Variants in CREBBP observed in about 807,000 individuals in gnomAD.
CREBBP encodes the protein CREB binding lysine acetyltransferase, also known as CREB-binding protein.
A neutral mutation model predicts 265.0 loss-of-function variants in CREBBP; 19 were observed. The ratio of observed to expected loss-of-function variants is 0.07; its 90% CI spans 0.05 to 0.11. The LOEUF (loss-of-function observed/expected upper bound fraction) is 0.11, where lower values mean the gene tolerates loss of function less well. Ranked by LOEUF, CREBBP falls within the 10% of genes least tolerant of loss-of-function variation. The pLI is 1.00. For synonymous variants in CREBBP, 1,457 were observed against 1,223.7 expected (o/e 1.19, Z -3.98); for missense variants, 2,525 against 3,219.0 (o/e 0.78, Z 5.22).
intron 23 of CREBBP, chr16:3,743,866 C>G (rs2151351110): frequency 6.6e-6 from 1 of 152,178 alleles, no homozygotes; most frequent in East Asian, 1.9e-4. Context: ...ATCACAAGGT[C>G]AAGAGATTGA....
intron 21 of CREBBP, among the ~76,000 whole-genome samples, chr16:3,747,734 G>T (rs1328953296): frequency 1.3e-5 from 2 of 152,026 alleles, no homozygotes; most frequent in East Asian, 3.9e-4. Flanking sequence ...AGGCCGAGGT[G>T]GGTGGATCAC....
At chr16:3,772,095 C>G (rs900224357) in intron 13 of CREBBP, among the ~76,000 whole-genome samples, 11 of 152,052 alleles carry the variant, frequency 7.2e-5, no homozygotes, top group African/African-American at 2.7e-4. Context: ...GGGGGAGCTA[C>G]TGTACATTGA....
At chr16:3,780,616 G>A (rs1232815009) in intron 8 of CREBBP, 116 bp downstream of exon 8, 1 of 1,081,704 alleles carries the variant, frequency 9.2e-7, no homozygotes, top group Admixed American at 2.0e-5. Flanking sequence ...CAGTGAGAGT[G>A]GCTCCCTAAA....
rs2053079376 is a variant in CREBBP at position 3,774,047 on chromosome 16, C to G, written c.2284-117G>C. On this transcript the variant is annotated intron_variant, in intron 12 of 30. Coordinates refer to ENST00000262367, the MANE Select transcript of CREBBP (RefSeq NM_004380.3). ...CCCAGAGGATGGCAAGCACAGGGCT[C>G]ACATCCTGCCCTTCCTCATGGGAAG... The G allele has an allele frequency of 4.2e-5, 47 of 1,111,198 alleles. No homozygotes were observed. The South Asian group carries it at 5.7e-4, about 13-fold the overall frequency. The allele number at this position is 1,111,198 out of a possible 1,614,324, so 68.8% of individuals were successfully genotyped here.
At chr16:3,853,082 T>C (rs970408869) in intron 1 of CREBBP, among the ~76,000 whole-genome samples, 1 of 152,112 alleles carries the variant, frequency 6.6e-6, no homozygotes, top group African/African-American at 2.4e-5. Context: ...CCCTATTCAT[T>C]AGTGATGTGA....
intron 1 of CREBBP, among the ~76,000 whole-genome samples, chr16:3,851,627 G>C (rs2054838937): frequency 6.6e-6 from 1 of 152,212 alleles, no homozygotes; most frequent in Admixed American, 6.5e-5. Flanking sequence ...GGCTGAGGCA[G>C]GCGGATCACG....
chr16:3,827,536 C>A (rs140654028), intron 2 of CREBBP, among the ~76,000 whole-genome samples: 2,006 of 152,102 alleles, frequency 0.013, 43 homozygotes, highest in African/African-American at 0.047. Flanking sequence ...GGACTACAGG[C>A]GCCCGCCACC....
rs755831394 is a variant in CREBBP, at chr16:3,778,064, G to A, written c.2060C>T (p.Ala687Val). The change falls in exon 10 of 31, where the codon GCC (alanine) becomes GTC (valine). Residue 687 changes from alanine to valine, a missense_variant. By Grantham distance (64) the Ala-to-Val change is moderately conservative. Around this residue, in one of 19 missense-constraint regions of CREBBP, gnomAD observed 548 missense variants for 533.0 expected, o/e 1.03. Coordinates refer to ENST00000262367, the MANE Select transcript of CREBBP (RefSeq NM_004380.3). The stretch of plus-strand genomic sequence containing the variant: ...AATCACAGGGGGCTGAGCCCCCGGG[G>A]CTGGTAAGGCTGGCTGGTTCCCCAA... ...GILGNQPALP[A>V]PGAQPPVIPQ... 1.9e-6 allele frequency: 3 copies of A among 1,614,132 alleles called. No homozygotes were observed. The highest frequency in any genetic ancestry group is 2.5e-6 in the Non-Finnish European group (3 of 1,180,062).
intron 5 of CREBBP, among the ~76,000 whole-genome samples, chr16:3,786,235 G>A (rs2053384167): frequency 1.3e-5 from 2 of 152,148 alleles, no homozygotes; most frequent in African/African-American, 4.8e-5. Context: ...GTGTGGTGGT[G>A]CGTGCCTGTC....
chr16:3,760,293 T>C (rs1044554055), intron 16 of CREBBP, among the ~76,000 whole-genome samples: 1 of 151,658 alleles, frequency 6.6e-6, no homozygotes, highest in Non-Finnish European at 1.5e-5. Context: ...GGTCTCACTA[T>C]GTTGTCCAAG....
At chr16:3,776,416 G>C (rs79960274) in intron 11 of CREBBP, among the ~76,000 whole-genome samples, 2 of 152,162 alleles carry the variant, frequency 1.3e-5, no homozygotes, top group African/African-American at 4.8e-5. Flanking sequence ...AAAAACCAGA[G>C]GCTCTCTACT....
At chr16:3,747,814 G>A (rs938438979) in intron 21 of CREBBP, among the ~76,000 whole-genome samples, 1 of 152,000 alleles carries the variant, frequency 6.6e-6, no homozygotes, top group African/African-American at 2.4e-5. Context: ...TACAGGCTGG[G>A]TGCGGTGGCT....
At chr16:3,792,307 A>G (rs745917249) in intron 4 of CREBBP, among the ~76,000 whole-genome samples, 3 of 152,216 alleles carry the variant, frequency 2.0e-5, no homozygotes, top group Non-Finnish European at 4.4e-5. Flanking sequence ...CCTAGAAGCA[A>G]TGTTATGAAG....
rs1402755407 is a variant in CREBBP, at chr16:3,850,685, G to C, written c.410C>G (p.Ala137Gly). 6.2e-7 allele frequency: 1 copy of C among 1,614,052 alleles called. No individual in the cohort carries two copies. Among genetic ancestry groups the C allele is most frequent in the Admixed American group, 1.7e-5 (1 of 60,016 alleles). ...GGGGGTGGGCCCAGAGGTGCTGGCTGCCTGTTTAGGCAGGCTGGGGGCTGA... is the reference window on the plus strand; with the variant it reads ...GGGGGTGGGCCCAGAGGTGCTGGCTCCCTGTTTAGGCAGGCTGGGGGCTGA... ...DSSAPSLPKQ[A>G]ASTSGPTPAA... is the part of the protein sequence containing the mutation. The change falls in exon 2 of 31, where the codon GCA becomes GGA. Residue 137 changes from alanine to glycine, a missense_variant. By Grantham distance (60) the Ala-to-Gly change is moderately conservative (BLOSUM62 0). This residue lies in a region of CREBBP where 356 missense variants were observed against 340.4 expected (regional missense o/e 1.05). Coordinates refer to ENST00000262367, the MANE Select transcript of CREBBP (RefSeq NM_004380.3).
chr16:3,786,780 G>A (rs2053397413), intron 5 of CREBBP, among the ~76,000 whole-genome samples: 1 of 152,176 alleles, frequency 6.6e-6, no homozygotes, highest in Non-Finnish European at 1.5e-5. Flanking sequence ...TACTAAAAAA[G>A]CAATGCTAGA....
intron 24 of CREBBP, 96 bp from the exon 25 acceptor site, chr16:3,739,820 A>T: frequency 6.4e-7 from 1 of 1,564,124 alleles, no homozygotes; most frequent in East Asian, 2.3e-5. Context: ...GCCACTGCAG[A>T]TGAGCGGAGG....
At chr16:3,768,946 A>C (rs1167098868) in intron 15 of CREBBP, among the ~76,000 whole-genome samples, 1 of 152,242 alleles carries the variant, frequency 6.6e-6, no homozygotes, top group East Asian at 1.9e-4. Context: ...TTTCAAATAT[A>C]AGCCAGTATT....
At chr16:3,758,794 C>T in intron 17 of CREBBP, 60 bp downstream of exon 17, 1 of 1,231,690 alleles carries the variant, frequency 8.1e-7, no homozygotes, top group South Asian at 1.2e-5. Context: ...AGAGATAAAA[C>T]AATGGACACT....
chr16:3,752,642 C>A (rs942493934), intron 19 of CREBBP, among the ~76,000 whole-genome samples: 18 of 151,988 alleles, frequency 1.2e-4, no homozygotes, highest in African/African-American at 4.4e-4. Context: ...ATATGTAAAT[C>A]CATGAACAAT....
Sources: allele counts gnomAD v4.1 joint callset (sites outside exome capture counted in the v4.1 genomes callset), GRCh38; gene constraint gnomAD v4.1.1; regional missense constraint gnomAD v4.1.1; transcripts MANE v1.5; gene names NCBI Gene and HGNC (gene_info 2026-07-23, HGNC 2026-07-21).